NUB1: variants seen among roughly 807,000 people sequenced by gnomAD.
NUB1 encodes NEDD8 ultimate buster 1.
NUB1 carries 41 observed loss-of-function variants against 77.1 expected under a neutral mutation model. The ratio of observed to expected loss-of-function variants is 0.53; its 90% confidence interval spans 0.41 to 0.69. NUB1 has a LOEUF of 0.69. Among genes scored for constraint, NUB1 ranks in the 30% least tolerant of loss-of-function variants. The pLI is 0.00. For synonymous variants in NUB1, 257 were observed against 281.0 expected (o/e 0.91, Z 0.85); for missense variants, 643 against 743.8 (o/e 0.86, Z 1.58).
Position 151,349,309 on chromosome 7 carries a change from T to C in NUB1, c.285+69T>C, listed in dbSNP as rs577219257. The stretch of plus-strand genomic sequence containing the variant: ...AGTGATGAGGTCAAATAAATTGTTG[T>C]TGTTTGGAAAGTTACAATCCAAAGT... On this transcript the variant is annotated intron_variant, in intron 3 of 14. Transcript: ENST00000568733. 8.7e-5 allele frequency: 114 copies of C among 1,311,630 alleles called. 2 individuals are homozygous for C. The Middle Eastern group carries it at 1.8e-3, about 20-fold the overall frequency. 81.2% of individuals were successfully genotyped at this position (1,311,630 alleles called of 1,614,324 possible). A position where few individuals can be genotyped will look rare whatever the true frequency, so the allele number is the denominator to read the frequency against.
chr7:151,376,664 G>A lies in NUB1; in HGVS notation c.1522G>A (p.Ala508Thr). Residue 508 changes from alanine (A) to threonine (T), a missense_variant, in exon 14 of 15, where the codon GCC becomes ACC. By Grantham distance (58) the Ala-to-Thr change is moderately conservative. Coordinates refer to ENST00000568733, the MANE Select transcript of NUB1 (RefSeq NM_001243351.2). ...LVYMGFDALV[A>T]EAALRVFRGN... ...GTACATGGGTTTTGATGCACTCGTGGCCGAAGCTGCGCTGAGAGTGTTCAG... is the reference window on the plus strand; with the variant it reads ...GTACATGGGTTTTGATGCACTCGTGACCGAAGCTGCGCTGAGAGTGTTCAG... 1.2e-6 allele frequency: 2 copies of A among 1,611,386 alleles called. No homozygotes were observed. The highest frequency in any genetic ancestry group is 2.2e-5 in the South Asian group (2 of 90,502).
At chr7:151,365,425 G>A (rs1224979082) in intron 8 of NUB1, among the ~76,000 whole-genome samples, 1 of 151,722 alleles carries the variant, frequency 6.6e-6, no homozygotes, top group Admixed American at 6.6e-5. Flanking sequence ...TTCTGCCCAC[G>A]CTCTTGATGC....
At chr7:151,358,681 G>A (rs944490831) in intron 7 of NUB1, among the ~76,000 whole-genome samples, 9 of 152,212 alleles carry the variant, frequency 5.9e-5, no homozygotes, top group African/African-American at 2.2e-4. Context: ...GTGCCAAAAG[G>A]TTGGGACTAC....
At chr7:151,371,524 G>C (rs766403674) in intron 11 of NUB1, among the ~76,000 whole-genome samples, 3 of 152,170 alleles carry the variant, frequency 2.0e-5, no homozygotes, top group Non-Finnish European at 2.9e-5. Context: ...TGTGGCAAGA[G>C]ATAGAGGGTT....
chr7:151,367,761 T>C (rs1316795924), intron 9 of NUB1, 100 bp from the exon 10 acceptor site: 13 of 719,068 alleles, frequency 1.8e-5, no homozygotes, highest in Non-Finnish European at 3.0e-5. Flanking sequence ...ATACCTATCA[T>C]GTTGCCCCTC....
At chr7:151,350,822 T>G (rs748950547) in intron 3 of NUB1, among the ~76,000 whole-genome samples, 1 of 152,190 alleles carries the variant, frequency 6.6e-6, no homozygotes, top group Non-Finnish European at 1.5e-5. Flanking sequence ...GCAACACTAT[T>G]CAGTAGCTGA....
Position 151,368,794 on chromosome 7 carries a change from G to C in NUB1, c.1155G>C (p.Gln385His). ...CATCAAAAGTGGACAATTTGTTGCA[G>C]TTGGGGTTTACTGCCCAGGAAGCCC... ...IDPSKVDNLLQLGFTAQEARL... is the reference protein window; with the variant it reads ...IDPSKVDNLLHLGFTAQEARL... Residue 385 changes from glutamine (Q) to histidine (H), a missense_variant, in exon 11 of 15, where the codon CAG becomes CAC. Physicochemically the swap from Gln to His is conservative, Grantham distance 24 (BLOSUM62 0). Coordinates refer to ENST00000568733, the MANE Select transcript of NUB1 (RefSeq NM_001243351.2). 1 of 1,614,030 alleles carries C rather than the reference G, an allele frequency of 6.2e-7. No individual in the cohort carries two copies. Among genetic ancestry groups the C allele is most frequent in the African/African-American group, 1.3e-5 (1 of 75,062 alleles).
At chr7:151,344,860 C>G (rs149647109) in intron 1 of NUB1, among the ~76,000 whole-genome samples, 1 of 151,890 alleles carries the variant, frequency 6.6e-6, no homozygotes, top group Non-Finnish European at 1.5e-5. Flanking sequence ...ATTAGCCGGG[C>G]GTGGTGGCGC....
intron 8 of NUB1, among the ~76,000 whole-genome samples, chr7:151,363,148 C>CA (rs1330285313): frequency 6.6e-6 from 1 of 151,928 alleles, no homozygotes; most frequent in Non-Finnish European, 1.5e-5. Context: ...CTATAACAAG[C>CA]AAAAAAATCA....
At position 151,343,628 on chromosome 7, in the gene NUB1, C is replaced by G. The variant is rs1001335190; in HGVS notation, c.-2-1720C>G. On this transcript the variant is annotated intron_variant, in intron 1 of 14. Coordinates refer to ENST00000568733, the MANE Select transcript of NUB1 (RefSeq NM_001243351.2). ...GCCAGCTGCCTTACATCTCAGCCGC[C>G]TCACTCACCTTTGAATTGCTGTGCT... 1.3e-5 allele frequency among the ~76,000 whole-genome samples: 2 copies of G among 152,190 alleles called. 1 individual carries two copies. The highest frequency in any genetic ancestry group is 4.1e-4 in the South Asian group (2 of 4,836).
In NUB1 at chr7:151,352,886, T is replaced by C; in HGVS notation, c.415+4T>C. 6.8e-7 allele frequency: 1 copy of C among 1,473,408 alleles called. No individual in the cohort carries two copies. Among genetic ancestry groups the C allele is most frequent in the Non-Finnish European group, 9.4e-7 (1 of 1,067,852 alleles). The allele number at this position is 1,473,408 out of a possible 1,614,324, so 91.3% of individuals were successfully genotyped here. A position where few individuals can be genotyped will look rare whatever the true frequency, so the allele number is the denominator to read the frequency against. On this transcript the variant is annotated splice_donor_region_variant and intron_variant, in intron 5 of 14. Transcript: ENST00000568733. ...AATAAGAAGCAACTACAACTAGGTA[T>C]GTATGGCAAAGTATGCATAATTTTT...
chr7:151,344,862 T>C (rs1366488373), intron 1 of NUB1, among the ~76,000 whole-genome samples: 1 of 151,774 alleles, frequency 6.6e-6, no homozygotes, highest in Non-Finnish European at 1.5e-5. Flanking sequence ...TAGCCGGGCG[T>C]GGTGGCGCAT....
At chr7:151,350,542 T>A (rs933441228) in intron 3 of NUB1, among the ~76,000 whole-genome samples, 13 of 152,378 alleles carry the variant, frequency 8.5e-5, no homozygotes, top group East Asian at 1.9e-4. Flanking sequence ...TCCCTTCAGC[T>A]CCTATCTCTG....
chr7:151,377,282 G>T lies in NUB1; in HGVS notation c.*57G>T. On this transcript the variant is annotated 3_prime_UTR_variant, in exon 15 of 15. Coordinates refer to ENST00000568733, the MANE Select transcript of NUB1 (RefSeq NM_001243351.2). ...TTATAAATGCTATCATTATGAAAAG[G>T]CTAATGCAGCTCTTTCTGTTCTTAC... 8.5e-7 allele frequency: 1 copy of T among 1,178,590 alleles called. No homozygotes were observed. The highest frequency in any genetic ancestry group is 2.7e-5 in the East Asian group (1 of 37,694). 73.0% of individuals were successfully genotyped at this position (1,178,590 alleles called of 1,614,324 possible).
rs778838678 is a variant in NUB1 at position 151,345,453 on chromosome 7, G to C, written c.104G>C (p.Gly35Ala). The change falls in exon 2 of 15, where the codon GGT (glycine) becomes GCT (alanine). Residue 35 changes from glycine (G) to alanine (A), a missense_variant. Transcript: ENST00000568733. ...TATACAGATGAAAATAAAAAAGTTG[G>C]TTTGGCATTAAAGGTATTTTTCTTT... The part of the protein sequence containing the change: ...PPYTDENKKV[G>A]LALKDLAKQY... 36 of 1,585,026 alleles carry C rather than the reference G, an allele frequency of 2.3e-5. No individual in the cohort carries two copies. Among genetic ancestry groups the C allele is most frequent in the Non-Finnish European group, 3.1e-5 (36 of 1,160,404 alleles).
At chr7:151,348,492 C>T (rs1218762157) in intron 2 of NUB1, among the ~76,000 whole-genome samples, 2 of 145,298 alleles carry the variant, frequency 1.4e-5, no homozygotes, top group East Asian at 4.1e-4. Context: ...TTAGAAGATT[C>T]TCTATTATTA....
chr7:151,363,947 C>T (rs902522584), intron 8 of NUB1, among the ~76,000 whole-genome samples: 1 of 151,622 alleles, frequency 6.6e-6, no homozygotes, highest in African/African-American at 2.4e-5. Flanking sequence ...GTGCCCACTA[C>T]CACTCCCGAC....
At chr7:151,344,866 G>GGT (rs1563007690) in intron 1 of NUB1, among the ~76,000 whole-genome samples, 9 of 152,082 alleles carry the variant, frequency 5.9e-5, no homozygotes, top group East Asian at 1.9e-4. Context: ...CGGGCGTGGT[G>GGT]GCGCATGCCT....
chr7:151,368,785 T>C lies in NUB1; in HGVS notation c.1146T>C (p.Asn382=). ...ELYIDPSKVD[N]LLQLGFTAQE... ...ATATTGATCCATCAAAAGTGGACAA[T>C]TTGTTGCAGTTGGGGTTTACTGCCC... is the stretch of plus-strand genomic sequence containing the variant. Residue 382 remains asparagine (N), a synonymous_variant, in exon 11 of 15, where the codon AAT becomes AAC. Transcript: ENST00000568733. 6.2e-7 allele frequency: 1 copy of C among 1,613,996 alleles called. No individual in the cohort carries two copies. Among genetic ancestry groups the C allele is most frequent in the Non-Finnish European group, 8.5e-7 (1 of 1,179,888 alleles).
Sources: allele counts gnomAD v4.1 joint callset (sites outside exome capture counted in the v4.1 genomes callset), GRCh38; gene constraint gnomAD v4.1.1; transcripts MANE v1.5; gene names NCBI Gene and HGNC (gene_info 2026-07-23, HGNC 2026-07-21).